The following CNTN3 variants were observed in gnomAD, a reference collection of about 807,000 sequenced individuals.
CNTN3 encodes the protein contactin 3, also known as contactin-3.
Under a neutral mutation model 119.1 loss-of-function variants are expected in CNTN3, and 60 were observed. The ratio of observed to expected loss-of-function variants is 0.50; its 90% CI spans 0.41 to 0.62. The LOEUF is 0.62. Among genes scored for constraint, CNTN3 ranks in the 20% least tolerant of loss-of-function variants. CNTN3 has a pLI of 0.00. For missense variants in CNTN3, 1,101 were observed against 1,242.4 expected, an observed-to-expected ratio of 0.89 and a Z score of 1.71; for synonymous variants, 450 against 438.7, an observed-to-expected ratio of 1.03 and a Z score of -0.32.
chr3:74,497,802 T>C (rs997109823), intron 3 of CNTN3, among the ~76,000 whole-genome samples: 1 of 151,826 alleles, frequency 6.6e-6, no homozygotes, highest in African/African-American at 2.4e-5. Context: ...CCAGGACGTA[T>C]AATAAAACAA....
chr3:74,587,702 A>T (rs1322780421), intron 1 of CNTN3, among the ~76,000 whole-genome samples: 1 of 152,142 alleles, frequency 6.6e-6, no homozygotes, highest in East Asian at 1.9e-4. Context: ...GGGCTGAGAC[A>T]ATGGGGTTTT....
chr3:74,422,764 T>A (rs765998385), intron 5 of CNTN3, among the ~76,000 whole-genome samples: 1 of 152,178 alleles, frequency 6.6e-6, no homozygotes, highest in Non-Finnish European at 1.5e-5. Context: ...CAATATAAAT[T>A]TAAATTATTT....
At chr3:74,354,164 T>A (rs571694260) in intron 11 of CNTN3, among the ~76,000 whole-genome samples, 35 of 152,256 alleles carry the variant, frequency 2.3e-4, no homozygotes, top group African/African-American at 8.4e-4. Flanking sequence ...TGGAAAAAAA[T>A]TCACTCTTTC....
At chr3:74,346,803 A>C (rs1703701526) in intron 11 of CNTN3, among the ~76,000 whole-genome samples, 1 of 151,618 alleles carries the variant, frequency 6.6e-6, no homozygotes, top group Non-Finnish European at 1.5e-5. Flanking sequence ...GCATCCACTC[A>C]CCTGACCTGT....
intron 1 of CNTN3, among the ~76,000 whole-genome samples, chr3:74,547,565 G>C (rs1200706324): frequency 2.0e-5 from 3 of 152,084 alleles, no homozygotes; most frequent in Non-Finnish European, 4.4e-5. Flanking sequence ...TCCTGAATTT[G>C]AGCATCTTTT....
At chr3:74,551,057 A>C (rs1473342417) in intron 1 of CNTN3, among the ~76,000 whole-genome samples, 2 of 152,302 alleles carry the variant, frequency 1.3e-5, no homozygotes, top group South Asian at 2.1e-4. Flanking sequence ...TGATTACATG[A>C]GACTCCTTGT....
Position 74,486,459 on chromosome 3 carries a change from C to T in CNTN3, c.355G>A (p.Ala119Thr), listed in dbSNP as rs776317605. 6.3e-7 allele frequency: 1 copy of T among 1,597,778 alleles called. No homozygotes were observed. The highest frequency in any genetic ancestry group is 8.5e-7 in the Non-Finnish European group (1 of 1,176,124). ...IVSREAKLQFAYLENFKTKMR... is the reference protein window; with the variant it reads ...IVSREAKLQFTYLENFKTKMR... ...AGACATGTGAACATAAACTTACAGG[C>T]AAACTGAAGTTTGGCTTCTCTGCTG... The change falls in exon 4 of 23, where the codon GCC (alanine) becomes ACC (threonine). Residue 119 changes from alanine (A) to threonine (T), a missense_variant. Transcript: ENST00000263665.
intron 2 of CNTN3, among the ~76,000 whole-genome samples, chr3:74,500,438 C>T (rs1703147277): frequency 6.6e-6 from 1 of 150,692 alleles, no homozygotes; most frequent in Admixed American, 6.6e-5. Flanking sequence ...ATAATGCCAC[C>T]ACCAAATGCT....
intron 3 of CNTN3, among the ~76,000 whole-genome samples, chr3:74,487,737 A>T (rs1192520881): frequency 1.3e-5 from 2 of 152,098 alleles, no homozygotes; most frequent in Non-Finnish European, 2.9e-5. Context: ...AAAACATATA[A>T]AGAGATGAAA....
chr3:74,286,254 C>G (rs188457298), intron 19 of CNTN3, among the ~76,000 whole-genome samples: 3 of 152,162 alleles, frequency 2.0e-5, no homozygotes, highest in African/African-American at 7.2e-5. Flanking sequence ...ACGAGGAACC[C>G]TGCTAGCAAG....
At position 74,371,388 on chromosome 3, in the gene CNTN3, CAT is replaced by C; in HGVS notation, c.464_465del (p.Tyr155CysfsTer6). On this transcript the variant is annotated frameshift_variant, in exon 6 of 23. Transcript: ENST00000263665. LOFTEE classifies it high-confidence loss of function. Reference protein sequence around the residue: ...GPPPHSGELSYAWIFNEYPSF... With the variant: ...GPPPHSGELSXAWIFNEYPSF... ...GATGGGTATTCATTGAAGATCCAAG[CAT>C]ATGACAGTTCTAATAAAATTGTTGA... 1.2e-6 allele frequency: 2 copies of C among 1,612,016 alleles called. No homozygotes were observed. Among genetic ancestry groups the C allele is most frequent in the Non-Finnish European group, 1.7e-6 (2 of 1,178,468 alleles).
intron 1 of CNTN3, among the ~76,000 whole-genome samples, chr3:74,582,783 T>TTGTGTGTGTGTG (rs60306845): frequency 0.028 from 4,074 of 145,008 alleles, 116 homozygotes; most frequent in East Asian, 0.11. Context: ...GTGTATGCAT[T>TTGTGTGTGTGTG]TGTGTGTGTG....
chr3:74,279,086 C>T (rs1430414280), intron 20 of CNTN3, among the ~76,000 whole-genome samples: 2 of 152,016 alleles, frequency 1.3e-5, no homozygotes, highest in Non-Finnish European at 2.9e-5. Context: ...TAAGAATGGC[C>T]ATCAATAAAA....
At chr3:74,371,690 A>T (rs1704342301) in intron 5 of CNTN3, among the ~76,000 whole-genome samples, 1 of 152,068 alleles carries the variant, frequency 6.6e-6, no homozygotes, top group African/African-American at 2.4e-5. Flanking sequence ...TTTAGTTCAT[A>T]TCTCCATCCT....
At chr3:74,295,802 G>A (rs1174853907) in intron 18 of CNTN3, among the ~76,000 whole-genome samples, 1 of 152,126 alleles carries the variant, frequency 6.6e-6, no homozygotes, top group Non-Finnish European at 1.5e-5. Context: ...GCACTGTTGA[G>A]ATTCTATGGG....
At chr3:74,371,089 T>G (rs1474264069) in intron 6 of CNTN3, 107 bp downstream of exon 6, 4 of 756,050 alleles carry the variant, frequency 5.3e-6, no homozygotes, top group Non-Finnish European at 8.9e-6. Flanking sequence ...CCAAAAAACA[T>G]GAAGTGACAA....
intron 1 of CNTN3, among the ~76,000 whole-genome samples, chr3:74,588,853 G>C (rs1180189880): frequency 1.3e-5 from 2 of 152,124 alleles, no homozygotes; most frequent in African/African-American, 2.4e-5. Context: ...CAAGCAATGG[G>C]GAAAGGATTC....
intron 12 of CNTN3, among the ~76,000 whole-genome samples, chr3:74,335,508 C>T (rs1184743834): frequency 1.3e-5 from 2 of 152,080 alleles, no homozygotes; most frequent in Admixed American, 6.6e-5. Flanking sequence ...ATTCTCTTGA[C>T]CCCATTTTCC....
At chr3:74,448,872 C>T (rs1488775457) in intron 4 of CNTN3, among the ~76,000 whole-genome samples, 2 of 152,106 alleles carry the variant, frequency 1.3e-5, no homozygotes, top group Non-Finnish European at 2.9e-5. Context: ...CACATTCATA[C>T]TTTACCTAGT....
Sources: allele counts gnomAD v4.1 joint callset (sites outside exome capture counted in the v4.1 genomes callset), GRCh38; gene constraint gnomAD v4.1.1; transcripts MANE v1.5; gene names NCBI Gene and HGNC (gene_info 2026-07-23, HGNC 2026-07-21).